SH3D19: variants seen among roughly 807,000 people sequenced by gnomAD.
SH3D19 encodes the protein SH3 domain-containing protein 19.
A neutral mutation model predicts 112.1 loss-of-function variants in SH3D19; 58 were observed. The observed-to-expected ratio is 0.52, with a 90% CI of 0.42 to 0.64. The LOEUF is 0.64. SH3D19 is among the 30% of genes least tolerant of loss of function. SH3D19 has a pLI of 0.00. For missense variants in SH3D19, 1,090 were observed against 1,263.4 expected, an observed-to-expected ratio of 0.86 and a Z score of 2.08; for synonymous variants, 391 against 448.5, an observed-to-expected ratio of 0.87 and a Z score of 1.62.
chr4:151,230,875 G>A (rs1024400039), intron 1 of SH3D19, among the ~76,000 whole-genome samples: 6 of 152,086 alleles, frequency 3.9e-5, no homozygotes, highest in East Asian at 1.9e-4. Context: ...CACCATCCCC[G>A]GCCAAAGTGT....
chr4:151,184,845 T>C (rs1761492405), intron 3 of SH3D19, among the ~76,000 whole-genome samples: 1 of 152,162 alleles, frequency 6.6e-6, no homozygotes, highest in South Asian at 2.1e-4. Context: ...ATTGTTGAAA[T>C]TGAAGTGTGG....
chr4:151,315,788 C>CA (rs928833215), intron 1 of SH3D19, among the ~76,000 whole-genome samples: 78 of 149,108 alleles, frequency 5.2e-4, no homozygotes, highest in South Asian at 4.7e-3. Flanking sequence ...CCCATTTCTA[C>CA]AAAAAAAAAG....
chr4:151,192,276 T>A (rs1344972836), intron 2 of SH3D19, among the ~76,000 whole-genome samples: 2 of 152,136 alleles, frequency 1.3e-5, no homozygotes, highest in Non-Finnish European at 2.9e-5. Context: ...TGTTTTCTTA[T>A]TTGTGTGAGC....
At chr4:151,324,078 T>C (rs1340444791) in intron 1 of SH3D19, among the ~76,000 whole-genome samples, 1 of 152,228 alleles carries the variant, frequency 6.6e-6, no homozygotes, top group Non-Finnish European at 1.5e-5. Flanking sequence ...AAAACTGGTG[T>C]TCATATAGAC....
At chr4:151,143,883 AG>A (rs745664665) in intron 12 of SH3D19, 26 bp downstream of exon 12, 22 of 1,593,414 alleles carry the variant, frequency 1.4e-5, no homozygotes, top group Non-Finnish European at 1.9e-5. Context: ...GTGTGATATG[AG>A]GGCTGTAACA....
At chr4:151,125,481 C>CAAAA (rs1345161778) in intron 19 of SH3D19, among the ~76,000 whole-genome samples, 6 of 32,888 alleles carry the variant, frequency 1.8e-4, no homozygotes, top group Non-Finnish European at 4.8e-4. Context: ...CAAAACAAAA[C>CAAAA]AAAACAAAAC....
intron 2 of SH3D19, among the ~76,000 whole-genome samples, chr4:151,217,640 A>T (rs1386181352): frequency 6.6e-6 from 1 of 152,154 alleles, no homozygotes; most frequent in East Asian, 1.9e-4. Flanking sequence ...CTTAAAAGTA[A>T]TTGTGAATGA....
At position 151,120,321 on chromosome 4, in the gene SH3D19, G is replaced by C. The variant is rs1747807385; in HGVS notation, c.*1770C>G. The C allele has an allele frequency of 6.6e-6, 1 of 152,436 alleles. No individual in the cohort carries two copies. Among genetic ancestry groups the C allele is most frequent in the East Asian group, 1.9e-4 (1 of 5,178 alleles). 9.4% of individuals were successfully genotyped at this position (152,436 alleles called of 1,614,324 possible). A position where few individuals can be genotyped will look rare whatever the true frequency, so the allele number is the denominator to read the frequency against. ...GTTCAGTTTATTACAGTGTCAAGTAGATTTACAACTATTGCACTTATCATT... is the reference window on the plus strand; with the variant it reads ...GTTCAGTTTATTACAGTGTCAAGTACATTTACAACTATTGCACTTATCATT... On this transcript the variant is annotated 3_prime_UTR_variant, in exon 20 of 20. Coordinates refer to ENST00000604030, the MANE Select transcript of SH3D19 (RefSeq NM_001378122.1).
At position 151,137,709 on chromosome 4, in the gene SH3D19, TA is replaced by T. The variant is rs1752152269; in HGVS notation, c.2427+22del. 1.3e-6 allele frequency: 2 copies of T among 1,563,824 alleles called. 1 individual carries two copies. Among genetic ancestry groups the T allele is most frequent in the South Asian group, 2.4e-5 (2 of 81,714 alleles). The stretch of plus-strand genomic sequence containing the variant: ...GAACCCACTGAGTATATGACCAAAT[TA>T]AAACAAACACAACCCACTTACAATC... On this transcript the variant is annotated intron_variant, in intron 14 of 19. Coordinates refer to ENST00000604030, the MANE Select transcript of SH3D19 (RefSeq NM_001378122.1).
At position 151,174,797 on chromosome 4, in the gene SH3D19, G is replaced by A. The variant is rs765597623; in HGVS notation, c.1407C>T (p.Asn469=). 4 of 1,558,872 alleles carry A rather than the reference G, an allele frequency of 2.6e-6. No homozygotes were observed. The highest frequency in any genetic ancestry group is 1.2e-5 in the South Asian group (1 of 80,138). Reference sequence around the variant, plus strand: ...TGCTCTGCAGAACTGGAACTGGGGGGTTGGCTGGGGGCCCTTCTCCCAGTG... The same window carrying A: ...TGCTCTGCAGAACTGGAACTGGGGGATTGGCTGGGGGCCCTTCTCCCAGTG... ...YKSLGEGPPA[N]PPVPVLQSKP... The change falls in exon 7 of 20, where the codon AAC becomes AAT. Residue 469 remains asparagine (N), a synonymous_variant. Transcript: ENST00000604030.
rs757325260 is a variant in SH3D19, at chr4:151,128,386, G to A, written c.2743-30C>T. The A allele has an allele frequency of 3.6e-5, 56 of 1,544,270 alleles. No individual in the cohort carries two copies. In the Admixed American group the frequency reaches 1.0e-3, roughly 29 times the overall value. ...TATCAAATTAGAGGTGTGGTCAGAAGTGTAAGATTTTATTTGAAATTGAGT... is the reference window on the plus strand; with the variant it reads ...TATCAAATTAGAGGTGTGGTCAGAAATGTAAGATTTTATTTGAAATTGAGT... On this transcript the variant is annotated intron_variant, in intron 17 of 19. Transcript: ENST00000604030.
At chr4:151,143,889 G>A in intron 12 of SH3D19, 21 bp downstream of exon 12, 1 of 1,602,666 alleles carries the variant, frequency 6.2e-7, no homozygotes, top group Non-Finnish European at 8.5e-7. Context: ...TATGAGGGCT[G>A]TAACAATATT....
chr4:151,201,965 T>C (rs933521184), intron 2 of SH3D19, among the ~76,000 whole-genome samples: 1 of 151,396 alleles, frequency 6.6e-6, no homozygotes, highest in Non-Finnish European at 1.5e-5. Flanking sequence ...TGAGCCGAGA[T>C]TGCCCCACTG....
intron 1 of SH3D19, chr4:151,279,683 T>C (rs1379117024): frequency 3.1e-6 from 3 of 982,870 alleles, no homozygotes; most frequent in African/African-American, 3.2e-5. Context: ...GTATGGTGTC[T>C]AGGGAGGGTT....
intron 1 of SH3D19, among the ~76,000 whole-genome samples, chr4:151,300,019 C>A (rs11735681): frequency 0.36 from 54,296 of 151,868 alleles, 10,784 homozygotes; most frequent in Non-Finnish European, 0.46. Flanking sequence ...CTGACCAACA[C>A]GGAGAAACCC....
chr4:151,273,610 A>AAC, intron 1 of SH3D19, among the ~76,000 whole-genome samples: 1 of 150,568 alleles, frequency 6.6e-6, no homozygotes, highest in Admixed American at 6.6e-5. Flanking sequence ...AAAAAAAAAA[A>AAC]AAAAGAAGTC....
chr4:151,314,412 C>T lies in SH3D19; in HGVS notation c.112+10829G>A, dbSNP rs117890902. Among the ~76,000 whole-genome samples, 26 of 152,268 alleles carry T rather than the reference C, an allele frequency of 1.7e-4. No homozygotes were observed. In the East Asian group the frequency reaches 4.8e-3, roughly 28 times the overall value. On this transcript the variant is annotated intron_variant, in intron 1 of 19. Coordinates refer to ENST00000604030, the MANE Select transcript of SH3D19 (RefSeq NM_001378122.1). ...ACACTTGAAGTTTACAAGCATGTTC[C>T]CCATAATGAGCCTGCAGAGTAGTTA...
chr4:151,175,921 T>C (rs1044355324), intron 6 of SH3D19, among the ~76,000 whole-genome samples: 2 of 151,978 alleles, frequency 1.3e-5, no homozygotes, highest in African/African-American at 4.8e-5. Context: ...CCCTGGCTGG[T>C]GTACAGTGGC....
At chr4:151,150,206 A>AAAAT (rs1273707426) in intron 9 of SH3D19, among the ~76,000 whole-genome samples, 1,631 of 45,764 alleles carry the variant, frequency 0.036, 212 homozygotes, top group East Asian at 0.051. Flanking sequence ...AAAAAAAAAA[A>AAAAT]ATATATATAT....
Sources: allele counts gnomAD v4.1 joint callset (sites outside exome capture counted in the v4.1 genomes callset), GRCh38; gene constraint gnomAD v4.1.1; transcripts MANE v1.5; gene names NCBI Gene and HGNC (gene_info 2026-07-23, HGNC 2026-07-21).